Variants in CPNE8 observed in about 807,000 individuals in gnomAD.
The protein encoded by CPNE8 is copine-8.
Under a neutral mutation model 81.5 loss-of-function variants are expected in CPNE8, and 45 were observed. That is an observed-to-expected ratio of 0.55 (90% CI 0.44 to 0.71). The LOEUF is 0.71. CPNE8 is among the 30% of genes least tolerant of loss of function. CPNE8 has a pLI of 0.00. For missense variants in CPNE8, 594 were observed against 672.1 expected, an observed-to-expected ratio of 0.88 and a Z score of 1.28; for synonymous variants, 252 against 226.3, an observed-to-expected ratio of 1.11 and a Z score of -1.02.
chr12:38,844,650 T>C (rs1001641426), intron 4 of CPNE8, among the ~76,000 whole-genome samples: 2 of 152,162 alleles, frequency 1.3e-5, no homozygotes, highest in African/African-American at 4.8e-5. Flanking sequence ...ATAGTACTTA[T>C]AAGAATTTGG....
intron 19 of CPNE8, among the ~76,000 whole-genome samples, chr12:38,654,514 CAAA>C (rs71068569): frequency 9.2e-5 from 9 of 97,590 alleles, no homozygotes; most frequent in Non-Finnish European, 5.7e-5. Flanking sequence ...GACTCTGTCT[CAAA>C]AAAAAAAAAA....
Position 38,752,091 on chromosome 12 carries a change from C to G in CPNE8, c.722+8756G>C, listed in dbSNP as rs1941363241. On this transcript the variant is annotated intron_variant, in intron 10 of 19. Transcript: ENST00000331366. ...TCATAAACATCTGTGTTTATTCCAT[C>G]TTTTCATGTCATAAAACTATAAATA... 2.6e-5 allele frequency among the ~76,000 whole-genome samples: 4 copies of G among 152,144 alleles called. No individual in the cohort carries two copies. In the South Asian group the frequency reaches 8.3e-4, roughly 31 times the overall value.
intron 6 of CPNE8, among the ~76,000 whole-genome samples, chr12:38,793,218 A>G (rs1021088635): frequency 1.4e-5 from 2 of 142,622 alleles, no homozygotes; most frequent in African/African-American, 6.1e-5. Flanking sequence ...TGTATGTACT[A>G]GCCAGTGCAA....
intron 13 of CPNE8, among the ~76,000 whole-genome samples, chr12:38,722,247 G>A (rs1056287867): frequency 6.6e-6 from 1 of 152,112 alleles, no homozygotes; most frequent in African/African-American, 2.4e-5. Flanking sequence ...AATAGGCAAA[G>A]ACATTGGAAT....
intron 6 of CPNE8, among the ~76,000 whole-genome samples, chr12:38,819,618 T>C (rs1943081180): frequency 6.6e-6 from 1 of 151,658 alleles, no homozygotes; most frequent in African/African-American, 2.4e-5. Flanking sequence ...ATACAAAAAA[T>C]TAGCCGGGCG....
intron 10 of CPNE8, among the ~76,000 whole-genome samples, chr12:38,760,111 T>C (rs1165823093): frequency 2.6e-5 from 4 of 152,164 alleles, no homozygotes; most frequent in African/African-American, 9.7e-5. Context: ...AAGTAACCTT[T>C]GCTTTCCCAT....
intron 16 of CPNE8, among the ~76,000 whole-genome samples, chr12:38,680,955 T>C (rs887170886): frequency 6.6e-6 from 1 of 151,768 alleles, no homozygotes. Flanking sequence ...AGATAGAAAC[T>C]GATAGATCCC....
chr12:38,774,461 A>G (rs748749741), intron 7 of CPNE8, among the ~76,000 whole-genome samples: 19 of 152,100 alleles, frequency 1.2e-4, no homozygotes, highest in Non-Finnish European at 2.5e-4. Flanking sequence ...TCATTGTATC[A>G]TTTTAACTAA....
chr12:38,737,947 G>A (rs972298909), intron 10 of CPNE8, among the ~76,000 whole-genome samples: 2 of 152,094 alleles, frequency 1.3e-5, no homozygotes, highest in Non-Finnish European at 2.9e-5. Context: ...TTTCAATGGC[G>A]AATAGTCCCT....
intron 11 of CPNE8, among the ~76,000 whole-genome samples, chr12:38,727,530 G>A (rs1224044163): frequency 6.6e-6 from 1 of 152,094 alleles, no homozygotes; most frequent in African/African-American, 2.4e-5. Context: ...GTCATTAACT[G>A]ACTTATATGG....
chr12:38,696,677 A>C (rs1258518923), intron 14 of CPNE8, among the ~76,000 whole-genome samples: 1 of 152,218 alleles, frequency 6.6e-6, no homozygotes, highest in Non-Finnish European at 1.5e-5. Flanking sequence ...CTTTGTAAGA[A>C]ACTCACAGTT....
At chr12:38,815,691 T>G (rs1344800705) in intron 6 of CPNE8, among the ~76,000 whole-genome samples, 1 of 152,184 alleles carries the variant, frequency 6.6e-6, no homozygotes, top group Admixed American at 6.5e-5. Flanking sequence ...ACTATGCTCA[T>G]CAAAAAATCC....
At chr12:38,803,566 A>C (rs1027873576) in intron 6 of CPNE8, among the ~76,000 whole-genome samples, 16 of 136,124 alleles carry the variant, frequency 1.2e-4, no homozygotes, top group African/African-American at 3.6e-4. Flanking sequence ...GAATGGGCAA[A>C]AACTGGAAGC....
rs547917860 is a variant in CPNE8 at position 38,871,591 on chromosome 12, G to C, written c.186+1413C>G. ...AATTGTTGCAACAGGGAGGACAAAA[G>C]AGAAAATGGGTCTGAATAAAAAGGC... On this transcript the variant is annotated intron_variant, in intron 3 of 19. Transcript: ENST00000331366. Among the ~76,000 whole-genome samples the C allele has an allele frequency of 5.3e-5, 8 of 152,298 alleles. No homozygotes were observed. In the South Asian group the frequency reaches 1.7e-3, roughly 32 times the overall value.
chr12:38,858,383 TA>T lies in CPNE8; in HGVS notation c.187-9722del, dbSNP rs201833471. ...GGTGGTGTTAAACAACAACTTTTAT[TA>T]AAGTGTCAGTCTACAGCAACAGCAG... On this transcript the variant is annotated intron_variant, in intron 3 of 19. Coordinates refer to ENST00000331366, the MANE Select transcript of CPNE8 (RefSeq NM_153634.3). Among the ~76,000 whole-genome samples the T allele has an allele frequency of 3.1e-3, 467 of 152,312 alleles. 5 individuals carry two copies. Among genetic ancestry groups the T allele is most frequent in the African/African-American group, 0.01 (432 of 41,578 alleles).
At chr12:38,711,613 C>T (rs1179831158) in intron 13 of CPNE8, among the ~76,000 whole-genome samples, 1 of 152,064 alleles carries the variant, frequency 6.6e-6, no homozygotes, top group Non-Finnish European at 1.5e-5. Flanking sequence ...GGATTACAGG[C>T]ATGCGCCACC....
chr12:38,839,808 C>T, intron 5 of CPNE8, 108 bp downstream of exon 5: 2 of 986,168 alleles, frequency 2.0e-6, no homozygotes, highest in Non-Finnish European at 2.7e-6. Context: ...CTATGACAAT[C>T]ACGTTACATG....
At chr12:38,873,350 A>G (rs1383300782) in intron 2 of CPNE8, among the ~76,000 whole-genome samples, 1 of 152,230 alleles carries the variant, frequency 6.6e-6, no homozygotes, top group Admixed American at 6.5e-5. Context: ...CATAATTTAA[A>G]CAATTTGAAA....
intron 1 of CPNE8, among the ~76,000 whole-genome samples, chr12:38,879,960 T>C (rs1944127183): frequency 6.6e-6 from 1 of 152,212 alleles, no homozygotes; most frequent in Non-Finnish European, 1.5e-5. Context: ...AAAAATCTAC[T>C]GCTGTACCTT....
Sources: gnomAD v4.1 joint callset for allele counts (sites outside exome capture counted in the v4.1 genomes callset) on GRCh38, gnomAD v4.1.1 for gene constraint, MANE v1.5 for transcripts, NCBI Gene and HGNC (gene_info 2026-07-23, HGNC 2026-07-21) for gene names.